Variants in LRRC4C observed in about 807,000 individuals in gnomAD.
LRRC4C encodes the protein leucine-rich repeat-containing protein 4C.
Under a neutral mutation model 33.6 loss-of-function variants are expected in LRRC4C, and 5 were observed. The ratio of observed to expected loss-of-function variants is 0.15; its 90% CI spans 0.08 to 0.31. LRRC4C has a LOEUF of 0.31. Among genes scored for constraint, LRRC4C ranks in the 10% least tolerant of loss-of-function variants. The pLI is 1.00. For missense variants in LRRC4C, 560 were observed against 796.7 expected (o/e 0.70, Z 3.58); for synonymous variants, 329 against 302.0 (o/e 1.09, Z -0.93).
chr11:40,917,495 C>T (rs749258910), intron 2 of LRRC4C, among the ~76,000 whole-genome samples: 1 of 151,996 alleles, frequency 6.6e-6, no homozygotes, highest in Middle Eastern at 3.2e-3. Context: ...TATAAAAGAA[C>T]CTAGGGGCAC....
chr11:41,087,698 C>A (rs1282945486), intron 1 of LRRC4C, among the ~76,000 whole-genome samples: 1 of 152,080 alleles, frequency 6.6e-6, no homozygotes, highest in East Asian at 1.9e-4. Context: ...CATCTGAATT[C>A]AAAAGCTATT....
intron 3 of LRRC4C, among the ~76,000 whole-genome samples, chr11:40,396,678 C>T (rs1476354936): frequency 6.6e-6 from 1 of 152,056 alleles, no homozygotes; most frequent in African/African-American, 2.4e-5. Context: ...TTACTAGGTG[C>T]TTATCCTTTT....
intron 1 of LRRC4C, among the ~76,000 whole-genome samples, chr11:41,064,816 G>A (rs575654999): frequency 2.0e-5 from 3 of 152,344 alleles, no homozygotes; most frequent in African/African-American, 2.4e-5. Context: ...GGAAGTGCAC[G>A]GAGTCGGGGG....
chr11:40,164,403 G>A (rs1249747464), intron 5 of LRRC4C, among the ~76,000 whole-genome samples: 2 of 152,070 alleles, frequency 1.3e-5, no homozygotes, highest in Non-Finnish European at 2.9e-5. Context: ...CACTATGCCC[G>A]GCTAATTTTT....
chr11:41,099,672 A>T (rs1470217355), intron 1 of LRRC4C, among the ~76,000 whole-genome samples: 1 of 152,152 alleles, frequency 6.6e-6, no homozygotes, highest in Non-Finnish European at 1.5e-5. Context: ...TATAAACCAG[A>T]TATTAAAGAA....
intron 1 of LRRC4C, among the ~76,000 whole-genome samples, chr11:41,377,580 G>A (rs1465542857): frequency 6.6e-6 from 1 of 152,032 alleles, no homozygotes; most frequent in Non-Finnish European, 1.5e-5. Context: ...CCCATGGCAT[G>A]GTACAGAATC....
chr11:41,137,028 G>T (rs745994276), intron 1 of LRRC4C, among the ~76,000 whole-genome samples: 28 of 152,030 alleles, frequency 1.8e-4, no homozygotes, highest in Admixed American at 3.9e-4. Context: ...CAGGTGAATT[G>T]CTTGAAGCCA....
Position 40,185,375 on chromosome 11 carries a change from T to G in LRRC4C, c.-95-44522A>C, listed in dbSNP as rs541009197. 1.6e-4 allele frequency among the ~76,000 whole-genome samples: 24 copies of G among 152,198 alleles called. No individual in the cohort carries two copies. The South Asian group carries it at 3.9e-3, about 25-fold the overall frequency. On this transcript the variant is annotated intron_variant, in intron 5 of 6. Coordinates refer to ENST00000528697, the MANE Select transcript of LRRC4C (RefSeq NM_001258419.2). ...GTAGGCAGCTGTCAACAAGCCTTGA[T>G]TCAAGAGCCCAAGAAACTCCTCCAT...
At chr11:41,342,936 A>G (rs1016984774) in intron 1 of LRRC4C, among the ~76,000 whole-genome samples, 2 of 152,172 alleles carry the variant, frequency 1.3e-5, no homozygotes. Flanking sequence ...TCTCTATATG[A>G]GGACTTTTCC....
chr11:41,311,104 A>G (rs556513924), intron 1 of LRRC4C, among the ~76,000 whole-genome samples: 2 of 152,376 alleles, frequency 1.3e-5, no homozygotes, highest in East Asian at 3.9e-4. Context: ...CTAACACTCA[A>G]CTCACAAACT....
chr11:40,672,481 T>C (rs1275098093), intron 2 of LRRC4C, among the ~76,000 whole-genome samples: 1 of 152,234 alleles, frequency 6.6e-6, no homozygotes, highest in African/African-American at 2.4e-5. Flanking sequence ...TTTACATATT[T>C]ATTTTCCAAT....
At chr11:40,302,722 A>G (rs1944834155) in intron 4 of LRRC4C, among the ~76,000 whole-genome samples, 1 of 152,204 alleles carries the variant, frequency 6.6e-6, no homozygotes, top group Non-Finnish European at 1.5e-5. Context: ...TTCTGTATAT[A>G]CTATGACTTA....
intron 3 of LRRC4C, among the ~76,000 whole-genome samples, chr11:40,479,212 T>A (rs1277288059): frequency 6.6e-6 from 1 of 152,176 alleles, no homozygotes; most frequent in African/African-American, 2.4e-5. Flanking sequence ...TACATTATAA[T>A]CCTATTAATT....
chr11:40,513,986 T>C (rs117198228), intron 3 of LRRC4C, among the ~76,000 whole-genome samples: 3 of 152,328 alleles, frequency 2.0e-5, no homozygotes, highest in Admixed American at 1.3e-4. Flanking sequence ...TCAGAGAATC[T>C]TCACTTCCAC....
At chr11:40,912,284 G>A (rs1202411619) in intron 2 of LRRC4C, among the ~76,000 whole-genome samples, 1 of 152,032 alleles carries the variant, frequency 6.6e-6, no homozygotes, top group African/African-American at 2.4e-5. Context: ...AAATGTTAAG[G>A]GCAGCCAGAG....
chr11:41,438,156 C>T (rs945266618), intron 1 of LRRC4C, among the ~76,000 whole-genome samples: 5 of 151,934 alleles, frequency 3.3e-5, no homozygotes, highest in African/African-American at 1.2e-4. Flanking sequence ...AAAAAAGAGA[C>T]CAACAATTTT....
chr11:40,114,911 G>A lies in LRRC4C; in HGVS notation c.1382C>T (p.Thr461Ile). ...TGCCTCATCCTGAGACGGTTCCATA[G>A]TCTCTACTGTGACGGTTGAAAAGTA... ...FSYFSTVTVE[T>I]MEPSQDEART... Residue 461 changes from threonine (T) to isoleucine (I), a missense_variant, in exon 7 of 7, where the codon ACT (threonine) becomes ATT (isoleucine). Transcript: ENST00000528697. 2 of 1,614,206 alleles carry A rather than the reference G, an allele frequency of 1.2e-6. No individual in the cohort carries two copies. The highest frequency in any genetic ancestry group is 4.5e-5 in the East Asian group (2 of 44,882).
chr11:40,504,751 C>T (rs537174396), intron 3 of LRRC4C, among the ~76,000 whole-genome samples: 7 of 152,192 alleles, frequency 4.6e-5, no homozygotes, highest in African/African-American at 1.7e-4. Context: ...GAATGTATTG[C>T]TATCGACACA....
chr11:40,507,737 AAT>A (rs1491290430), intron 3 of LRRC4C, among the ~76,000 whole-genome samples: 2 of 130,112 alleles, frequency 1.5e-5, no homozygotes, highest in East Asian at 5.8e-4. Context: ...CACTAGATTT[AAT>A]TTTTTTTTTT....
Sources: allele counts gnomAD v4.1 joint callset (sites outside exome capture counted in the v4.1 genomes callset), GRCh38; gene constraint gnomAD v4.1.1; transcripts MANE v1.5; gene names NCBI Gene and HGNC (gene_info 2026-07-23, HGNC 2026-07-21).